Variants in REDIC1 observed in about 807,000 individuals in gnomAD.
REDIC1 encodes the protein HEI10 Interacting Protein 1.
the REDIC1 span, among the ~76,000 whole-genome samples, chr12:39,650,884 A>G: frequency 6.6e-6 from 1 of 152,178 alleles, no homozygotes; most frequent in African/African-American, 2.4e-5. The surrounding 1 kb of genome is among the most constrained non-coding windows in gnomAD (Gnocchi z 4.3). Context: ...GGTATTTTGC[A>G]CATTTTACAA....
chr12:39,906,382 T>C, the REDIC1 span, among the ~76,000 whole-genome samples: 1 of 152,112 alleles, frequency 6.6e-6, no homozygotes. Context: ...TGCCTTGATA[T>C]GCACATTTAT....
chr12:39,736,820 C>T, the REDIC1 span: 1 of 152,174 alleles, frequency 6.6e-6, no homozygotes, highest in Non-Finnish European at 1.5e-5. Context: ...CAGTAAGATG[C>T]TTGAGAAGTC....
At chr12:39,762,445 G>GC in the REDIC1 span, among the ~76,000 whole-genome samples, 2 of 122,334 alleles carry the variant, frequency 1.6e-5, no homozygotes, top group Admixed American at 8.6e-5. Flanking sequence ...TTGACATAAT[G>GC]CCCCCCAAGG....
At chr12:39,902,875 C>A in the REDIC1 span, among the ~76,000 whole-genome samples, 2 of 152,112 alleles carry the variant, frequency 1.3e-5, no homozygotes, top group South Asian at 4.1e-4. Context: ...GAAATAAATT[C>A]TCTTAAGAAG....
the REDIC1 span, among the ~76,000 whole-genome samples, chr12:39,892,026 C>T: frequency 2.0e-5 from 3 of 152,132 alleles, no homozygotes; most frequent in African/African-American, 7.2e-5. Context: ...TAATTCTACT[C>T]TCCTATAAAG....
the REDIC1 span, among the ~76,000 whole-genome samples, chr12:39,837,172 C>T: frequency 1.5e-5 from 2 of 136,340 alleles, no homozygotes; most frequent in Non-Finnish European, 3.1e-5. Context: ...ACAGAGCCCT[C>T]AGAAATAATG....
chr12:39,785,333 A>G, the REDIC1 span, among the ~76,000 whole-genome samples: 1 of 152,214 alleles, frequency 6.6e-6, no homozygotes, highest in Non-Finnish European at 1.5e-5. Context: ...CTGTGGCTTC[A>G]GAGAGTGGAA....
chr12:39,732,917 GT>G, the REDIC1 span, among the ~76,000 whole-genome samples: 2 of 152,096 alleles, frequency 1.3e-5, no homozygotes, highest in African/African-American at 4.8e-5. Context: ...CTTATTGTGT[GT>G]ATTTTCTGCC....
At chr12:39,703,066 G>T in the REDIC1 span, among the ~76,000 whole-genome samples, 1 of 152,160 alleles carries the variant, frequency 6.6e-6, no homozygotes. Context: ...TCAACATAGT[G>T]TTGGAAGTTC....
the REDIC1 span, among the ~76,000 whole-genome samples, chr12:39,750,814 C>T: frequency 6.6e-6 from 1 of 152,044 alleles, no homozygotes; most frequent in African/African-American, 2.4e-5. Flanking sequence ...AATGGGGAAA[C>T]GATTCCCTAT....
At chr12:39,641,047 A>G in the REDIC1 span, 1 of 1,430,844 alleles carries the variant, frequency 7.0e-7, no homozygotes, top group African/African-American at 1.4e-5. Context: ...AATAACCTTG[A>G]AGTGCTTTTC....
chr12:39,674,427 C>T, the REDIC1 span, among the ~76,000 whole-genome samples: 2 of 152,136 alleles, frequency 1.3e-5, no homozygotes, highest in African/African-American at 4.8e-5. Flanking sequence ...TTGGACAGAA[C>T]AGCAGGTAGA....
At chr12:39,647,536 A>G in the REDIC1 span, among the ~76,000 whole-genome samples, 5 of 151,990 alleles carry the variant, frequency 3.3e-5, no homozygotes, top group African/African-American at 1.2e-4. Context: ...AAGGTAGCCT[A>G]CAGGAATGGA....
the REDIC1 span, among the ~76,000 whole-genome samples, chr12:39,690,068 T>A: frequency 3.3e-4 from 50 of 152,268 alleles, no homozygotes; most frequent in African/African-American, 1.1e-3. Flanking sequence ...AAAATTACGT[T>A]CTACCAGAGG....
chr12:39,641,601 GTAA>G, the REDIC1 span, among the ~76,000 whole-genome samples: 12 of 151,806 alleles, frequency 7.9e-5, no homozygotes, highest in East Asian at 2.3e-3. Context: ...GCATATGCAA[GTAA>G]TAGCATAGCA....
the REDIC1 span, chr12:39,647,921 T>A: frequency 9.3e-6 from 15 of 1,607,088 alleles, 1 homozygote; most frequent in Admixed American, 1.7e-5. Context: ...AAATTTCACA[T>A]CTGGAATAGC....
chr12:39,697,397 A>G, the REDIC1 span, among the ~76,000 whole-genome samples: 3 of 152,362 alleles, frequency 2.0e-5, no homozygotes, highest in African/African-American at 4.8e-5. Flanking sequence ...AATAAAGTTA[A>G]TGAGCAAGAA....
At chr12:39,792,983 C>T in the REDIC1 span, among the ~76,000 whole-genome samples, 2 of 151,880 alleles carry the variant, frequency 1.3e-5, no homozygotes, top group East Asian at 3.9e-4. Flanking sequence ...TCCTTTATGC[C>T]CTGTGTTTTC....
At chr12:39,739,703 G>A in the REDIC1 span, among the ~76,000 whole-genome samples, 1 of 152,138 alleles carries the variant, frequency 6.6e-6, no homozygotes, top group Admixed American at 6.5e-5. Flanking sequence ...ATGCAGTACT[G>A]TAGATTTCCA....
Sources: gnomAD v4.1 joint callset for allele counts (sites outside exome capture counted in the v4.1 genomes callset) on GRCh38, gnomAD v4.1.1 for gene constraint, Gnocchi (gnomAD v3.1) non-coding constraint, MANE v1.5 for transcripts, NCBI Gene and HGNC (gene_info 2026-07-23, HGNC 2026-07-21) for gene names.